XKR9: variants seen among roughly 807,000 people sequenced by gnomAD.
The protein encoded by XKR9 is XK related 9, also known as XK-related protein 9.
In XKR9, 32 loss-of-function variants were observed where a neutral mutation model predicts 32.0. The ratio of observed to expected loss-of-function variants is 1.00; its 90% confidence interval spans 0.76 to 1.34. XKR9 has a LOEUF of 1.34. XKR9 is among the 40% of genes most tolerant of loss of function. The pLI, the probability that XKR9 is intolerant of heterozygous loss-of-function variation, is 0.00. For missense variants in XKR9, 546 were observed against 429.7 expected (o/e 1.27, Z -2.39); for synonymous variants, 168 against 143.4 (o/e 1.17, Z -1.22).
chr8:70,862,401 A>T, the XKR9 span, among the ~76,000 whole-genome samples: 6 of 151,782 alleles, frequency 4.0e-5, no homozygotes, highest in East Asian at 1.2e-3. Flanking sequence ...GGCAAAAGAG[A>T]TGTCTTTTTG....
At chr8:70,719,789 C>T (rs1182224563) in intron 4 of XKR9, among the ~76,000 whole-genome samples, 1 of 151,884 alleles carries the variant, frequency 6.6e-6, no homozygotes. Context: ...TTTTTTAATT[C>T]CATATTAAAT....
At chr8:71,038,036 G>A in the XKR9 span, among the ~76,000 whole-genome samples, 3 of 152,152 alleles carry the variant, frequency 2.0e-5, no homozygotes, top group South Asian at 2.1e-4. Flanking sequence ...GAAAGCAGGT[G>A]TGTATTTAGT....
the XKR9 span, among the ~76,000 whole-genome samples, chr8:71,037,337 A>G: frequency 6.6e-6 from 1 of 152,196 alleles, no homozygotes; most frequent in Non-Finnish European, 1.5e-5. Flanking sequence ...CATTTTCATT[A>G]TATTCTTTAG....
chr8:71,042,980 C>T, the XKR9 span, among the ~76,000 whole-genome samples: 1 of 152,168 alleles, frequency 6.6e-6, no homozygotes, highest in Non-Finnish European at 1.5e-5. Context: ...TGAGGAGCAA[C>T]TCTGATAAGC....
At chr8:70,753,695 G>A (rs1161830295) in intron 2 of XKR9, among the ~76,000 whole-genome samples, 1 of 151,836 alleles carries the variant, frequency 6.6e-6, no homozygotes, top group East Asian at 1.9e-4. Context: ...TGCAGAAAAG[G>A]CCTTTGACAA....
intron 4 of XKR9, among the ~76,000 whole-genome samples, chr8:70,719,276 T>A (rs1806197029): frequency 6.6e-6 from 1 of 152,188 alleles, no homozygotes. Context: ...CTGATGATAG[T>A]TTCTTTTGCT....
At chr8:70,733,446 G>C (rs1256098954) in intron 4 of XKR9, among the ~76,000 whole-genome samples, 2 of 151,950 alleles carry the variant, frequency 1.3e-5, no homozygotes, top group Non-Finnish European at 2.9e-5. Context: ...TTAACTCACA[G>C]AGTATGCTTT....
the XKR9 span, among the ~76,000 whole-genome samples, chr8:70,997,899 G>A: frequency 6.6e-6 from 1 of 152,032 alleles, no homozygotes; most frequent in African/African-American, 2.4e-5. Flanking sequence ...GAACTGATTG[G>A]GATTGTTGCT....
chr8:70,971,076 T>A, the XKR9 span, among the ~76,000 whole-genome samples: 7 of 152,238 alleles, frequency 4.6e-5, no homozygotes, highest in Non-Finnish European at 1.0e-4. Context: ...GTACTAGTTT[T>A]ACATTCCAAC....
At chr8:70,803,580 G>A in the XKR9 span, among the ~76,000 whole-genome samples, 2 of 152,140 alleles carry the variant, frequency 1.3e-5, no homozygotes, top group Non-Finnish European at 2.9e-5. Context: ...GATGATTTTT[G>A]AAGTTGCTGT....
At chr8:70,898,518 T>C in the XKR9 span, among the ~76,000 whole-genome samples, 2 of 152,190 alleles carry the variant, frequency 1.3e-5, no homozygotes, top group Non-Finnish European at 2.9e-5. Flanking sequence ...TGCTATATTG[T>C]ACTGTCATTT....
chr8:70,837,525 A>T, the XKR9 span, among the ~76,000 whole-genome samples: 1 of 152,086 alleles, frequency 6.6e-6, no homozygotes, highest in Non-Finnish European at 1.5e-5. Context: ...AAAGAACAGG[A>T]TGATGCTCTG....
the XKR9 span, among the ~76,000 whole-genome samples, chr8:70,954,860 G>A: frequency 6.6e-6 from 1 of 152,212 alleles, no homozygotes; most frequent in East Asian, 1.9e-4. Flanking sequence ...GTACTATGTA[G>A]AATATTTAGG....
the XKR9 span, among the ~76,000 whole-genome samples, chr8:70,863,343 A>G: frequency 6.6e-6 from 1 of 152,234 alleles, no homozygotes; most frequent in Admixed American, 6.5e-5. Context: ...CTTACAAAAA[A>G]TCAGTCTAAA....
chr8:70,977,527 C>T, the XKR9 span, among the ~76,000 whole-genome samples: 5 of 152,184 alleles, frequency 3.3e-5, no homozygotes, highest in Non-Finnish European at 5.9e-5. Context: ...TTCTCAGTTT[C>T]CATGTAATTG....
chr8:71,037,701 G>A, the XKR9 span, among the ~76,000 whole-genome samples: 1 of 152,170 alleles, frequency 6.6e-6, no homozygotes, highest in Admixed American at 6.5e-5. Context: ...AATGAATGAC[G>A]AAGTTAAAAC....
the XKR9 span, among the ~76,000 whole-genome samples, chr8:70,970,813 G>A: frequency 6.6e-6 from 1 of 152,188 alleles, no homozygotes; most frequent in Admixed American, 6.6e-5. Context: ...AACAGATGCT[G>A]GAGAGGATGT....
the XKR9 span, among the ~76,000 whole-genome samples, chr8:71,003,754 A>G: frequency 6.6e-6 from 1 of 152,248 alleles, no homozygotes; most frequent in African/African-American, 2.4e-5. Context: ...TCCACTTTAC[A>G]TAAAGCACAT....
chr8:71,028,908 A>AAGAGAGAGAGAGAGAGAG, the XKR9 span, among the ~76,000 whole-genome samples: 87 of 150,972 alleles, frequency 5.8e-4, 1 homozygote, highest in South Asian at 8.4e-4. Context: ...GACACACAGA[A>AAGAGAGAGAGAGAGAGAG]AGAGAGAGAG....
Sources: gnomAD v4.1 joint callset for allele counts (sites outside exome capture counted in the v4.1 genomes callset) on GRCh38, gnomAD v4.1.1 for gene constraint, MANE v1.5 for transcripts, NCBI Gene and HGNC (gene_info 2026-07-23, HGNC 2026-07-21) for gene names.